CPT1A: variants seen among roughly 807,000 people sequenced by gnomAD.
CPT1A encodes the protein carnitine palmitoyltransferase 1A.
Under a neutral mutation model 100.8 loss-of-function variants are expected in CPT1A, and 64 were observed. That is an observed-to-expected ratio of 0.63 (90% CI 0.52 to 0.78). CPT1A has a LOEUF of 0.78. CPT1A is among the 30% of genes least tolerant of loss of function. CPT1A has a pLI of 0.00. For missense variants in CPT1A, 802 were observed against 1,034.1 expected (o/e 0.78, Z 3.08); for synonymous variants, 363 against 396.0 (o/e 0.92, Z 0.99).
In CPT1A at chr11:68,785,002, G is replaced by A. The variant is rs1244965170; in HGVS notation, c.976C>T (p.Gln326Ter). The A allele has an allele frequency of 6.2e-7, 1 of 1,613,744 alleles. No homozygotes were observed. The highest frequency in any genetic ancestry group is 1.1e-5 in the South Asian group (1 of 91,080). The change falls in exon 10 of 19, where the codon CAG (glutamine) becomes TAG (stop). Residue 326 changes from glutamine (Q) to a stop codon, truncating the protein, a stop_gained. Transcript: ENST00000265641. LOFTEE classifies it high-confidence loss of function. Reference sequence around the variant, plus strand: ...ATGTGCTTGCTGTCTCTCATGTGCTGGATGGTGTCTGAGCCGGCCGCAGGT... The same window carrying A: ...ATGTGCTTGCTGTCTCTCATGTGCTAGATGGTGTCTGAGCCGGCCGCAGGT... ...RIPGEETDTI[Q>*]HMRDSKHIVV...
At chr11:68,775,200 G>C in intron 13 of CPT1A, 116 bp downstream of exon 13, 5 of 838,234 alleles carry the variant, frequency 6.0e-6, no homozygotes, top group Non-Finnish European at 1.0e-5. Context: ...CAGCCTCAGT[G>C]GTCTTCAACT....
Position 68,755,628 on chromosome 11 carries a change from C to T in CPT1A, c.*2016G>A, listed in dbSNP as rs977494860. 6 of 150,906 alleles carry T rather than the reference C, an allele frequency of 4.0e-5. No individual in the cohort carries two copies. The highest frequency in any genetic ancestry group is 1.5e-4 in the African/African-American group (6 of 41,106). 9.3% of individuals were successfully genotyped at this position (150,906 alleles called of 1,614,324 possible). A position where few individuals can be genotyped will look rare whatever the true frequency, so the allele number is the denominator to read the frequency against. On this transcript the variant is annotated 3_prime_UTR_variant, in exon 19 of 19. Transcript: ENST00000265641. ...GTTTCACCGTGTTAGCCAGGATGGT[C>T]TCCATCTCCTGACCTCGTGATCCGC...
chr11:68,843,045 A>C (rs1398475872), upstream of CPT1A, among the ~76,000 whole-genome samples: 4 of 152,220 alleles, frequency 2.6e-5, no homozygotes, highest in African/African-American at 9.6e-5. The surrounding 1 kb of genome is among the most constrained non-coding windows in gnomAD (Gnocchi z 4.0). Flanking sequence ...CCATGTTTGC[A>C]ACCATCCTTC....
intron 13 of CPT1A, chr11:68,773,679 C>G: frequency 2.0e-6 from 1 of 499,062 alleles, no homozygotes; most frequent in South Asian, 2.1e-5. Context: ...TCCTCCGACA[C>G]ACACTGGGAA....
At chr11:68,772,421 C>T (rs1855015891) in intron 14 of CPT1A, among the ~76,000 whole-genome samples, 1 of 152,114 alleles carries the variant, frequency 6.6e-6, no homozygotes, top group South Asian at 2.1e-4. Flanking sequence ...AAACCAAGGG[C>T]CCCCTGTCTG....
chr11:68,792,519 C>A (rs1855644867), intron 9 of CPT1A, among the ~76,000 whole-genome samples: 1 of 152,204 alleles, frequency 6.6e-6, no homozygotes. Flanking sequence ...ATGGACAGCA[C>A]AGCCTGGGCC....
At chr11:68,792,626 C>T (rs2153999497) in intron 9 of CPT1A, among the ~76,000 whole-genome samples, 1 of 152,332 alleles carries the variant, frequency 6.6e-6, no homozygotes, top group Non-Finnish European at 1.5e-5. Flanking sequence ...GGCCACCCTG[C>T]CCAGGTCAGG....
In CPT1A at chr11:68,817,902, T is replaced by C. The variant is rs1049154444; in HGVS notation, c.-13-2415A>G. On this transcript the variant is annotated intron_variant, in intron 1 of 18. Transcript: ENST00000265641. Reference sequence around the variant, plus strand: ...TGGGGTCAAGCACAGGTGGCTGGGGTCGACAGGGTGTCTGGGTTCAAGGAC... The same window carrying C: ...TGGGGTCAAGCACAGGTGGCTGGGGCCGACAGGGTGTCTGGGTTCAAGGAC... Among the ~76,000 whole-genome samples the C allele has an allele frequency of 2.5e-4, 38 of 151,164 alleles. 1 individual carries two copies. The highest frequency in any genetic ancestry group is 2.4e-3 in the Admixed American group (36 of 15,190).
chr11:68,781,908 C>T lies in CPT1A; in HGVS notation c.1215G>A (p.Lys405=), dbSNP rs1445775305. The T allele has an allele frequency of 6.2e-7, 1 of 1,614,220 alleles. No homozygotes were observed. The highest frequency in any genetic ancestry group is 1.1e-5 in the South Asian group (1 of 91,086). ...RQAYFGRGKN[K]QSLDAVEKAA... The stretch of plus-strand genomic sequence containing the variant: ...CTTTCTCCACAGCATCAAGAGACTG[C>T]TTATTTTTCCCACGTCCAAAATAGG... The change falls in exon 11 of 19, where the codon AAG becomes AAA. Residue 405 remains lysine (K), a synonymous_variant. Coordinates refer to ENST00000265641, the MANE Select transcript of CPT1A (RefSeq NM_001876.4).
Position 68,759,395 on chromosome 11 carries a change from C to CA in CPT1A, c.2235+173dup, listed in dbSNP as rs1335393706. 7.3e-3 allele frequency among the ~76,000 whole-genome samples: 943 copies of CA among 129,782 alleles called. 23 individuals are homozygous for CA. The East Asian group carries it at 0.1, about 14-fold the overall frequency. 85.1% of individuals were successfully genotyped at this position (129,782 alleles called of 152,430 possible). On this transcript the variant is annotated intron_variant, in intron 18 of 18. Coordinates refer to ENST00000265641, the MANE Select transcript of CPT1A (RefSeq NM_001876.4). ...GGGCGACAGAGTGAGACTGTGTCTC[C>CA]AAAAAAAAAAAAATTTTTTTTTAAA...
chr11:68,825,881 G>A (rs1173940952), intron 1 of CPT1A, among the ~76,000 whole-genome samples: 1 of 152,212 alleles, frequency 6.6e-6, no homozygotes. Context: ...ACAAAGCCGG[G>A]GGACTGCAGA....
intron 1 of CPT1A, among the ~76,000 whole-genome samples, chr11:68,816,121 C>A (rs1856381923): frequency 6.6e-6 from 1 of 152,220 alleles, no homozygotes; most frequent in South Asian, 2.1e-4. Context: ...AATCTTGCAG[C>A]CAGGCCCTTG....
chr11:68,810,692 A>C (rs1156798530), intron 3 of CPT1A, among the ~76,000 whole-genome samples: 1 of 152,112 alleles, frequency 6.6e-6, no homozygotes, highest in East Asian at 1.9e-4. Context: ...ATTTCTAGTC[A>C]TCAGAATCAA....
downstream of CPT1A, chr11:68,754,634 T>C (rs543341439): frequency 3.8e-5 from 23 of 603,012 alleles, no homozygotes; most frequent in South Asian, 4.9e-4. Context: ...TTTTAACATA[T>C]TTATTGAGCA....
intron 4 of CPT1A, among the ~76,000 whole-genome samples, chr11:68,805,375 CG>C (rs1253621299): frequency 6.6e-6 from 1 of 151,460 alleles, no homozygotes; most frequent in Non-Finnish European, 1.5e-5. Flanking sequence ...CGCTTGAGCC[CG>C]GGAGGCGGAG....
At chr11:68,775,858 G>C (rs1481007718) in intron 12 of CPT1A, among the ~76,000 whole-genome samples, 1 of 152,144 alleles carries the variant, frequency 6.6e-6, no homozygotes, top group African/African-American at 2.4e-5. Context: ...TGACCCAGCA[G>C]TTCCACTCCT....
chr11:68,762,958 G>C (rs1214789778), intron 14 of CPT1A, among the ~76,000 whole-genome samples, 197 bp from the exon 15 acceptor site: 1 of 152,094 alleles, frequency 6.6e-6, no homozygotes, highest in Admixed American at 6.6e-5. Flanking sequence ...CCCCTGCTCC[G>C]GTGATCCCCC....
At chr11:68,821,221 C>T (rs537158403) in intron 1 of CPT1A, among the ~76,000 whole-genome samples, 36 of 152,260 alleles carry the variant, frequency 2.4e-4, no homozygotes, top group Admixed American at 1.4e-3. Context: ...GGCACAGTCT[C>T]GGCTCACTGC....
chr11:68,772,196 A>G (rs1418335176), intron 14 of CPT1A, among the ~76,000 whole-genome samples: 1 of 152,180 alleles, frequency 6.6e-6, no homozygotes, highest in Admixed American at 6.5e-5. Flanking sequence ...TACTAAAAAT[A>G]CAAAAAATTA....
Sources: allele counts gnomAD v4.1 joint callset (sites outside exome capture counted in the v4.1 genomes callset), GRCh38; gene constraint gnomAD v4.1.1; non-coding constraint Gnocchi (gnomAD v3.1); transcripts MANE v1.5; gene names NCBI Gene and HGNC (gene_info 2026-07-23, HGNC 2026-07-21).